The following MARCHF1 variants were observed in gnomAD, a reference collection of about 807,000 sequenced individuals.
MARCHF1 encodes the protein E3 ubiquitin-protein ligase MARCHF1.
In MARCHF1, 40 loss-of-function variants were observed where a neutral mutation model predicts 54.2. That is an observed-to-expected ratio of 0.74 (90% CI 0.57 to 0.96). MARCHF1 has a LOEUF of 0.96. Ranked by LOEUF, MARCHF1 falls within the 40% of genes least tolerant of loss-of-function variation. The probability of loss-of-function intolerance (pLI) is 0.00; values close to 1 mark genes in which losing one functional copy is unlikely to be tolerated. For missense variants in MARCHF1, 586 were observed against 656.5 expected (o/e 0.89, Z 1.17); for synonymous variants, 236 against 236.3 (o/e 1.00, Z 0.01).
chr4:164,003,681 G>A (rs1324760646), intron 2 of MARCHF1, among the ~76,000 whole-genome samples: 2 of 152,094 alleles, frequency 1.3e-5, no homozygotes, highest in African/African-American at 2.4e-5. Context: ...CTTTTACACT[G>A]CTAGTAGGAA....
chr4:163,935,702 CTT>C (rs34331599), intron 3 of MARCHF1, among the ~76,000 whole-genome samples: 16,094 of 126,056 alleles, frequency 0.13, 753 homozygotes, highest in Middle Eastern at 0.23. Context: ...TGCTTGCTTT[CTT>C]TTTTTTTTTT....
intron 4 of MARCHF1, among the ~76,000 whole-genome samples, chr4:163,767,629 C>A (rs1579270472): frequency 6.6e-6 from 1 of 152,224 alleles, no homozygotes; most frequent in East Asian, 1.9e-4. Flanking sequence ...CCACCGTGCC[C>A]AGCCAATATT....
chr4:164,301,197 A>G (rs776065161), intron 1 of MARCHF1, among the ~76,000 whole-genome samples: 1 of 152,206 alleles, frequency 6.6e-6, no homozygotes, highest in Non-Finnish European at 1.5e-5. Flanking sequence ...AAAAATTCTA[A>G]AGAAGAAAAT....
At chr4:163,909,352 A>G (rs538101107) in intron 3 of MARCHF1, among the ~76,000 whole-genome samples, 1 of 152,336 alleles carries the variant, frequency 6.6e-6, no homozygotes, top group Non-Finnish European at 1.5e-5. Flanking sequence ...ATGTATAAAC[A>G]TAAGCATTTC....
chr4:163,694,480 G>T (rs1466243129), intron 5 of MARCHF1, among the ~76,000 whole-genome samples: 1 of 152,124 alleles, frequency 6.6e-6, no homozygotes, highest in East Asian at 1.9e-4. Context: ...GCCTCAAGAG[G>T]GGACAAAGTG....
intron 2 of MARCHF1, among the ~76,000 whole-genome samples, chr4:164,073,103 G>C (rs1184897043): frequency 1.3e-5 from 2 of 152,168 alleles, no homozygotes; most frequent in African/African-American, 4.8e-5. Context: ...TCAGGAACAA[G>C]GTTTTCTTGA....
intron 2 of MARCHF1, among the ~76,000 whole-genome samples, chr4:164,046,380 G>A (rs1423553443): frequency 1.3e-5 from 2 of 152,220 alleles, no homozygotes; most frequent in Non-Finnish European, 2.9e-5. Flanking sequence ...GACTCATGAA[G>A]TATTGTCTCC....
chr4:163,841,478 G>A (rs1749338146), intron 4 of MARCHF1, among the ~76,000 whole-genome samples: 1 of 151,648 alleles, frequency 6.6e-6, no homozygotes, highest in East Asian at 1.9e-4. Context: ...CGAGCCAGTA[G>A]CAGTGGAGCC....
At chr4:163,747,612 T>C (rs570474149) in intron 4 of MARCHF1, among the ~76,000 whole-genome samples, 4 of 152,256 alleles carry the variant, frequency 2.6e-5, no homozygotes, top group Non-Finnish European at 5.9e-5. Flanking sequence ...ATCAGGCAGA[T>C]TCCTAGAAAA....
rs1288586149 is a variant in MARCHF1 at position 163,527,908 on chromosome 4, A to ATTTAT, written c.*835_*839dup. 2 of 152,286 alleles carry ATTTAT rather than the reference A, an allele frequency of 1.3e-5. No homozygotes were observed. Among genetic ancestry groups the ATTTAT allele is most frequent in the Non-Finnish European group, 2.9e-5 (2 of 67,990 alleles). The allele number at this position is 152,286 out of a possible 1,614,324, so 9.4% of individuals were successfully genotyped here. A position where few individuals can be genotyped will look rare whatever the true frequency, so the allele number is the denominator to read the frequency against. Reference sequence around the variant, plus strand: ...TCAAAATTCATTTTAACAAACAAACATTTATTTTTACTTTTTAAAATAGGG... The same window carrying ATTTAT: ...TCAAAATTCATTTTAACAAACAAACATTTATTTTATTTTTACTTTTTAAAATAGGG... On this transcript the variant is annotated 3_prime_UTR_variant, in exon 10 of 10. Coordinates refer to ENST00000514618, the MANE Select transcript of MARCHF1 (RefSeq NM_001394959.1).
intron 5 of MARCHF1, among the ~76,000 whole-genome samples, chr4:163,666,423 A>G (rs1482583033): frequency 1.3e-5 from 2 of 152,146 alleles, no homozygotes; most frequent in African/African-American, 2.4e-5. Context: ...AACCCCCTCA[A>G]AAGTTCCCAG....
intron 3 of MARCHF1, among the ~76,000 whole-genome samples, chr4:163,984,470 T>C (rs1182257135): frequency 1.3e-5 from 2 of 152,158 alleles, no homozygotes; most frequent in Non-Finnish European, 2.9e-5. Context: ...CAGTGTGTTG[T>C]GAAAGAATAT....
At chr4:164,294,276 C>T (rs1315229909) in intron 1 of MARCHF1, among the ~76,000 whole-genome samples, 2 of 152,160 alleles carry the variant, frequency 1.3e-5, no homozygotes, top group Admixed American at 6.5e-5. Flanking sequence ...GGCACTTCAC[C>T]TTGTAATCAT....
intron 2 of MARCHF1, among the ~76,000 whole-genome samples, chr4:164,025,249 T>A (rs917071494): frequency 3.3e-5 from 5 of 152,068 alleles, no homozygotes. Context: ...CTAATAGACA[T>A]CTACAGAACA....
intron 1 of MARCHF1, among the ~76,000 whole-genome samples, chr4:164,344,727 C>G (rs1182664514): frequency 6.6e-6 from 1 of 152,102 alleles, no homozygotes; most frequent in Non-Finnish European, 1.5e-5. Flanking sequence ...TGCTACTTAA[C>G]TATTAACTTT....
chr4:163,898,525 A>T (rs1750866969), intron 3 of MARCHF1, among the ~76,000 whole-genome samples: 1 of 152,220 alleles, frequency 6.6e-6, no homozygotes, highest in South Asian at 2.1e-4. Flanking sequence ...TTAAAAAGTC[A>T]AAGAACAACA....
intron 3 of MARCHF1, among the ~76,000 whole-genome samples, chr4:163,980,716 TGTAGTAGTAGTTTCAC>T (rs1752744780): frequency 6.6e-6 from 1 of 152,152 alleles, no homozygotes; most frequent in Admixed American, 6.5e-5. Context: ...CTAAATGAAC[TGTAGTAGTAGTTTCAC>T]ATAGTAAATG....
chr4:164,053,905 A>AG (rs1303227163), intron 2 of MARCHF1, among the ~76,000 whole-genome samples: 8 of 152,256 alleles, frequency 5.3e-5, no homozygotes, highest in East Asian at 3.9e-4. Context: ...CAATGGCAAC[A>AG]AAGACAAAAT....
chr4:163,677,365 C>T (rs1450895625), intron 5 of MARCHF1, among the ~76,000 whole-genome samples: 2 of 152,052 alleles, frequency 1.3e-5, no homozygotes, highest in Non-Finnish European at 2.9e-5. Flanking sequence ...CCTCTCTCTC[C>T]CTTTATATAT....
Sources: allele counts gnomAD v4.1 joint callset (sites outside exome capture counted in the v4.1 genomes callset), GRCh38; gene constraint gnomAD v4.1.1; transcripts MANE v1.5; gene names NCBI Gene and HGNC (gene_info 2026-07-23, HGNC 2026-07-21).